ARNT2: variants seen among roughly 807,000 people sequenced by gnomAD.
ARNT2 encodes the protein ARNT protein 2.
Under a neutral mutation model 91.7 loss-of-function variants are expected in ARNT2, and 36 were observed. That is an observed-to-expected ratio of 0.39 (90% CI 0.30 to 0.52). The LOEUF is 0.52. Among genes scored for constraint, ARNT2 ranks in the 20% least tolerant of loss-of-function variants. The pLI is 0.72. For synonymous variants in ARNT2, 365 were observed against 347.1 expected (o/e 1.05, Z -0.57); for missense variants, 775 against 939.3 (o/e 0.83, Z 2.29).
intron 6 of ARNT2, 73 bp from the exon 7 acceptor site, chr15:80,513,838 T>C: frequency 7.7e-7 from 1 of 1,305,820 alleles, no homozygotes; most frequent in East Asian, 2.3e-5. Flanking sequence ...GCTCATCTAC[T>C]TGATGGCAGC....
intron 8 of ARNT2, among the ~76,000 whole-genome samples, chr15:80,519,734 G>A (rs1235234521): frequency 7.0e-6 from 1 of 143,488 alleles, no homozygotes; most frequent in African/African-American, 2.6e-5. Flanking sequence ...CATCCAGGCT[G>A]GAGTGCAGTG....
intron 3 of ARNT2, among the ~76,000 whole-genome samples, chr15:80,465,598 T>C (rs1405788277): frequency 6.6e-6 from 1 of 152,184 alleles, no homozygotes; most frequent in Non-Finnish European, 1.5e-5. Context: ...CTTCTCAGAT[T>C]TGGACCATGG....
chr15:80,529,812 G>A (rs1897706198), intron 8 of ARNT2, among the ~76,000 whole-genome samples: 2 of 152,080 alleles, frequency 1.3e-5, no homozygotes, highest in Non-Finnish European at 2.9e-5. Flanking sequence ...CTTATCCTTT[G>A]CTCCAAAATC....
intron 1 of ARNT2, among the ~76,000 whole-genome samples, chr15:80,425,567 T>A (rs1895920892): frequency 6.6e-6 from 1 of 152,128 alleles, no homozygotes; most frequent in African/African-American, 2.4e-5. Context: ...TTGTTTTGTT[T>A]TGTTTTGTTT....
At chr15:80,579,876 G>A (rs1048014907) in intron 15 of ARNT2, among the ~76,000 whole-genome samples, 1 of 152,150 alleles carries the variant, frequency 6.6e-6, no homozygotes, top group African/African-American at 2.4e-5. Flanking sequence ...AGGTGGGAGG[G>A]GTAAACTCTG....
intron 8 of ARNT2, among the ~76,000 whole-genome samples, chr15:80,549,639 G>T (rs74027839): frequency 0.012 from 1,789 of 152,234 alleles, 37 homozygotes; most frequent in African/African-American, 0.041. Context: ...ATGCAAATTA[G>T]GACAACACTA....
chr15:80,592,525 T>C (rs1056047508), intron 18 of ARNT2, among the ~76,000 whole-genome samples: 1 of 152,218 alleles, frequency 6.6e-6, no homozygotes, highest in Non-Finnish European at 1.5e-5. Context: ...ACTCCCAGGA[T>C]TGCAACCCCT....
intron 2 of ARNT2, among the ~76,000 whole-genome samples, chr15:80,452,316 C>A (rs1413355052): frequency 6.6e-6 from 1 of 152,210 alleles, no homozygotes; most frequent in Non-Finnish European, 1.5e-5. Context: ...TCTCTCTCTG[C>A]AGCTGCCACC....
chr15:80,559,549 G>A (rs1331777664), intron 11 of ARNT2, among the ~76,000 whole-genome samples: 2 of 152,216 alleles, frequency 1.3e-5, no homozygotes, highest in African/African-American at 4.8e-5. Flanking sequence ...CTTGAACTCT[G>A]GATTTAAACA....
intron 12 of ARNT2, among the ~76,000 whole-genome samples, chr15:80,564,331 C>T (rs902056019): frequency 6.6e-6 from 1 of 152,160 alleles, no homozygotes; most frequent in Non-Finnish European, 1.5e-5. Flanking sequence ...ACTCTCAGAA[C>T]TTGCCTGGCT....
At chr15:80,578,772 C>T (rs1208959092) in intron 15 of ARNT2, among the ~76,000 whole-genome samples, 1 of 152,046 alleles carries the variant, frequency 6.6e-6, no homozygotes, top group East Asian at 1.9e-4. Flanking sequence ...GAGTACTAGT[C>T]TGTAAAATGA....
At chr15:80,572,118 G>A (rs1384136754) in intron 12 of ARNT2, among the ~76,000 whole-genome samples, 3 of 151,662 alleles carry the variant, frequency 2.0e-5, no homozygotes, top group Non-Finnish European at 4.4e-5. Flanking sequence ...ATGCGGAAAG[G>A]GAATTAAAAA....
chr15:80,529,743 A>G (rs1306961416), intron 8 of ARNT2, among the ~76,000 whole-genome samples: 1 of 152,084 alleles, frequency 6.6e-6, no homozygotes, highest in Non-Finnish European at 1.5e-5. Flanking sequence ...GATGTTCTGT[A>G]TTGATTTCTC....
chr15:80,521,181 A>C (rs1196954270), intron 8 of ARNT2, among the ~76,000 whole-genome samples: 1 of 152,184 alleles, frequency 6.6e-6, no homozygotes, highest in East Asian at 1.9e-4. Flanking sequence ...TCTGTTTAGA[A>C]GTAACTCAAA....
intron 3 of ARNT2, among the ~76,000 whole-genome samples, chr15:80,459,636 G>T (rs549704969): frequency 2.6e-5 from 4 of 152,228 alleles, no homozygotes; most frequent in African/African-American, 9.6e-5. Context: ...AATAGTGCAG[G>T]GGTACAAAGA....
At chr15:80,494,972 A>G (rs1897106367) in intron 5 of ARNT2, among the ~76,000 whole-genome samples, 1 of 152,170 alleles carries the variant, frequency 6.6e-6, no homozygotes, top group Non-Finnish European at 1.5e-5. Flanking sequence ...TAGAGGGACA[A>G]AGGGATTGAC....
At chr15:80,592,597 G>A (rs988972522) in intron 18 of ARNT2, among the ~76,000 whole-genome samples, 1 of 152,200 alleles carries the variant, frequency 6.6e-6, no homozygotes, top group Non-Finnish European at 1.5e-5. Context: ...TCCTGCCGGG[G>A]TCAGCTGTGT....
intron 1 of ARNT2, among the ~76,000 whole-genome samples, chr15:80,442,603 G>C (rs1302702735): frequency 6.6e-6 from 1 of 152,212 alleles, no homozygotes; most frequent in Non-Finnish European, 1.5e-5. Flanking sequence ...TAAACTCCAT[G>C]TCTTAGCTGA....
intron 5 of ARNT2, among the ~76,000 whole-genome samples, chr15:80,488,292 C>T (rs1897005193): frequency 6.6e-6 from 1 of 152,172 alleles, no homozygotes; most frequent in Non-Finnish European, 1.5e-5. Context: ...GTATGTGAAT[C>T]GACTTGAGAA....
Sources: gnomAD v4.1 joint callset for allele counts (sites outside exome capture counted in the v4.1 genomes callset) on GRCh38, gnomAD v4.1.1 for gene constraint, MANE v1.5 for transcripts, NCBI Gene and HGNC (gene_info 2026-07-23, HGNC 2026-07-21) for gene names.